The following CFHR4 variants were observed in gnomAD, a reference collection of about 807,000 sequenced individuals.
CFHR4 encodes the protein complement factor H related 4.
CFHR4 carries 64 observed loss-of-function variants against 69.3 expected under a neutral mutation model. The observed-to-expected ratio is 0.92, with a 90% CI of 0.76 to 1.14. The LOEUF is 1.14. Ranked by LOEUF, CFHR4 falls within the 50% of genes most tolerant of loss-of-function variation. CFHR4 has a pLI of 0.00. For missense variants in CFHR4, 636 were observed against 684.9 expected (o/e 0.93, Z 0.80); for synonymous variants, 244 against 237.0 (o/e 1.03, Z -0.27).
At chr1:196,892,414 GTGTT>G (rs1336118239) in intron 1 of CFHR4, among the ~76,000 whole-genome samples, 1 of 151,462 alleles carries the variant, frequency 6.6e-6, no homozygotes, top group Non-Finnish European at 1.5e-5. Context: ...TGTGCCTGTT[GTGTT>G]TGTTTGTTTC....
intron 1 of CFHR4, 148 bp downstream of exon 1, chr1:196,888,356 C>A (rs558059809): frequency 2.8e-6 from 2 of 703,038 alleles, no homozygotes; most frequent in African/African-American, 1.9e-5. Context: ...GAGAGTATAA[C>A]AGAAATTAAT....
chr1:196,893,389 A>T (rs1255776968), intron 1 of CFHR4, among the ~76,000 whole-genome samples: 1 of 151,492 alleles, frequency 6.6e-6, no homozygotes, highest in African/African-American at 2.4e-5. Context: ...ACCTTTACAG[A>T]TATTGCCATA....
At chr1:196,892,336 G>T (rs1657083918) in intron 1 of CFHR4, among the ~76,000 whole-genome samples, 1 of 151,476 alleles carries the variant, frequency 6.6e-6, no homozygotes, top group Non-Finnish European at 1.5e-5. Flanking sequence ...AATTAGTTAT[G>T]GTTGCTGTAA....
At chr1:196,907,179 TAAAA>T (rs201837888) in intron 4 of CFHR4, 133 bp from the exon 5 acceptor site, 5 of 1,194,600 alleles carry the variant, frequency 4.2e-6, no homozygotes, top group Non-Finnish European at 4.7e-6. Flanking sequence ...CCTTGAAACT[TAAAA>T]AAAAAGGTTG....
intron 1 of CFHR4, among the ~76,000 whole-genome samples, chr1:196,889,125 T>C (rs1656886334): frequency 6.6e-5 from 10 of 151,500 alleles, no homozygotes; most frequent in Admixed American, 6.6e-4. Flanking sequence ...TGGAGGATAA[T>C]ATTGGAAATC....
At position 196,918,224 on chromosome 1, in the gene CFHR4, A is replaced by C. The variant is rs775217484; in HGVS notation, c.1555A>C (p.Thr519Pro). Reference sequence around the variant, plus strand: ...TCTGCTTTCAGATCCATGTATAATAACTGAAGAAAACATGAATAAAAATAA... The same window carrying C: ...TCTGCTTTCAGATCCATGTATAATACCTGAAGAAAACATGAATAAAAATAA... ...PPRCIHPCII[T>P]EENMNKNNIQ... Residue 519 changes from threonine to proline, a missense_variant, in exon 10 of 10, where the codon ACT becomes CCT. By Grantham distance (38) the Thr-to-Pro change is conservative. Coordinates refer to ENST00000608469, the MANE Select transcript of CFHR4 (RefSeq NM_001201550.3). 3.1e-6 allele frequency: 5 copies of C among 1,604,070 alleles called. No individual in the cohort carries two copies. In the African/African-American group the frequency reaches 6.7e-5, roughly 22 times the overall value.
At chr1:196,898,651 C>G (rs1228324568) in intron 1 of CFHR4, among the ~76,000 whole-genome samples, 1 of 151,528 alleles carries the variant, frequency 6.6e-6, no homozygotes, top group Non-Finnish European at 1.5e-5. Flanking sequence ...TTGCTAAAAA[C>G]ATATTTGCTT....
intron 1 of CFHR4, among the ~76,000 whole-genome samples, chr1:196,893,029 A>T (rs1381400830): frequency 6.6e-6 from 1 of 151,546 alleles, no homozygotes; most frequent in African/African-American, 2.4e-5. Context: ...CTTCATAAGG[A>T]AATGGTGTTT....
rs889691343 is a variant in CFHR4 at position 196,900,890 on chromosome 1, G to A, written c.59-1528G>A. Among the ~76,000 whole-genome samples, 3 of 151,354 alleles carry A rather than the reference G, an allele frequency of 2.0e-5. 1 individual carries two copies. The highest frequency in any genetic ancestry group is 4.9e-5 in the African/African-American group (2 of 41,046). ...TCAACAATGAGAGATATGGATATAG[G>A]CCAAGAAACTATACAAAGACAAGTT... On this transcript the variant is annotated intron_variant, in intron 1 of 9. Coordinates refer to ENST00000608469, the MANE Select transcript of CFHR4 (RefSeq NM_001201550.3).
At position 196,904,576 on chromosome 1, in the gene CFHR4, G is replaced by GT. The variant is rs1204385673; in HGVS notation, c.257-526dup. On this transcript the variant is annotated intron_variant, in intron 2 of 9. Transcript: ENST00000608469. Reference sequence around the variant, plus strand: ...AGAACTTATTTTTGCTATCTTGTTTGTTTTTTCCTGCTTACATTTCCACAT... The same window carrying GT: ...AGAACTTATTTTTGCTATCTTGTTTGTTTTTTTCCTGCTTACATTTCCACAT... Among the ~76,000 whole-genome samples the GT allele has an allele frequency of 1.3e-5, 2 of 151,392 alleles. 1 individual carries two copies. The highest frequency in any genetic ancestry group is 4.9e-5 in the African/African-American group (2 of 41,060).
intron 5 of CFHR4, among the ~76,000 whole-genome samples, 166 bp downstream of exon 5, chr1:196,907,664 G>A (rs539314769): frequency 6.6e-6 from 1 of 151,510 alleles, no homozygotes; most frequent in South Asian, 2.1e-4. Flanking sequence ...TATAAGCTTG[G>A]AAAATTTTAT....
chr1:196,910,168 A>T, intron 5 of CFHR4, 113 bp from the exon 6 acceptor site: 1 of 698,554 alleles, frequency 1.4e-6, no homozygotes, highest in Non-Finnish European at 2.2e-6. Flanking sequence ...AAAAAAAAGT[A>T]AAGAAAAAAA....
In CFHR4 at chr1:196,915,662, A is replaced by G. The variant is rs1446845029; in HGVS notation, c.1540+524A>G. ...AAAATAAAAAAATAAAAAATAAAAA[A>G]TAAATAAATAAAACAGAAGAAGAAG... On this transcript the variant is annotated intron_variant, in intron 9 of 9. Coordinates refer to ENST00000608469, the MANE Select transcript of CFHR4 (RefSeq NM_001201550.3). Among the ~76,000 whole-genome samples the G allele has an allele frequency of 5.3e-5, 8 of 151,424 alleles. No homozygotes were observed. The East Asian group carries it at 1.5e-3, about 29-fold the overall frequency.
chr1:196,906,307 CAA>C (rs1459046228), intron 3 of CFHR4, among the ~76,000 whole-genome samples: 1 of 151,452 alleles, frequency 6.6e-6, no homozygotes, highest in African/African-American at 2.4e-5. Flanking sequence ...ATACTGTTTT[CAA>C]TTTCTATGCT....
At chr1:196,899,524 G>GC (rs1425771640) in intron 1 of CFHR4, among the ~76,000 whole-genome samples, 1 of 151,452 alleles carries the variant, frequency 6.6e-6, no homozygotes, top group Non-Finnish European at 1.5e-5. Flanking sequence ...CTCAAACTGG[G>GC]CCTCAAGCAG....
chr1:196,902,820 C>G (rs1243657358), intron 2 of CFHR4, among the ~76,000 whole-genome samples: 1 of 151,164 alleles, frequency 6.6e-6, no homozygotes, highest in Non-Finnish European at 1.5e-5. Context: ...ATGAGAATAC[C>G]GATATAATTT....
At chr1:196,888,470 T>C (rs1449517553) in intron 1 of CFHR4, among the ~76,000 whole-genome samples, 2 of 151,298 alleles carry the variant, frequency 1.3e-5, no homozygotes, top group Non-Finnish European at 2.9e-5. Flanking sequence ...TATGGAGATA[T>C]ATGAATATAC....
intron 2 of CFHR4, among the ~76,000 whole-genome samples, 197 bp downstream of exon 2, chr1:196,902,812 G>A (rs1337030685): frequency 6.6e-6 from 1 of 151,408 alleles, no homozygotes; most frequent in Non-Finnish European, 1.5e-5. Flanking sequence ...GCAACTTTAT[G>A]AGAATACCGA....
At chr1:196,910,550 ATTACATTGTC>A in intron 6 of CFHR4, 72 bp downstream of exon 6, 2 of 1,278,762 alleles carry the variant, frequency 1.6e-6, no homozygotes, top group Non-Finnish European at 2.2e-6. Context: ...CAAACAAATG[ATTACATTGTC>A]TTATATGACA....
Sources: allele counts gnomAD v4.1 joint callset (sites outside exome capture counted in the v4.1 genomes callset), GRCh38; gene constraint gnomAD v4.1.1; transcripts MANE v1.5; gene names NCBI Gene and HGNC (gene_info 2026-07-23, HGNC 2026-07-21).